AMPD3: variants seen among roughly 807,000 people sequenced by gnomAD.
AMPD3 encodes the protein AMP deaminase 3.
AMPD3 carries 57 observed loss-of-function variants against 82.3 expected under a neutral mutation model. The observed-to-expected ratio is 0.69, with a 90% CI of 0.56 to 0.86. The LOEUF is 0.86. Ranked by LOEUF, AMPD3 falls within the 40% of genes least tolerant of loss-of-function variation. AMPD3 has a pLI of 0.00. For synonymous variants in AMPD3, 381 were observed against 394.7 expected (o/e 0.97, Z 0.41); for missense variants, 870 against 1,003.8 (o/e 0.87, Z 1.80).
At chr11:10,500,454 C>A in intron 11 of AMPD3, 1 of 555,340 alleles carries the variant, frequency 1.8e-6, no homozygotes, top group Non-Finnish European at 2.3e-6. Context: ...CACACACATG[C>A]AAACATGCCC....
intron 6 of AMPD3, 85 bp downstream of exon 6, chr11:10,487,449 C>G (rs1326065022): frequency 1.3e-6 from 2 of 1,593,500 alleles, no homozygotes; most frequent in Non-Finnish European, 1.7e-6. Context: ...TGAGGCTTGT[C>G]CCCTGTGAGA....
chr11:10,502,514 T>A (rs1849607301), intron 12 of AMPD3: 1 of 985,314 alleles, frequency 1.0e-6, no homozygotes, highest in Admixed American at 6.1e-5. Context: ...AGGGCTGGCA[T>A]GCAATGTAGG....
intron 3 of AMPD3, 26 bp downstream of exon 3, chr11:10,478,756 T>C (rs1055781093): frequency 6.2e-7 from 1 of 1,605,976 alleles, no homozygotes; most frequent in African/African-American, 1.3e-5. Flanking sequence ...GAGTGTTGAA[T>C]GTGCCTTGCA....
intron 4 of AMPD3, among the ~76,000 whole-genome samples, chr11:10,483,887 G>A (rs1848988064): frequency 6.6e-6 from 1 of 152,260 alleles, no homozygotes; most frequent in Admixed American, 6.5e-5. Flanking sequence ...CAGCTGGACA[G>A]CTGATCCTGG....
chr11:10,451,655 G>T (rs1847966809), upstream of AMPD3, among the ~76,000 whole-genome samples: 1 of 152,158 alleles, frequency 6.6e-6, no homozygotes, highest in Non-Finnish European at 1.5e-5. Flanking sequence ...GCTAACTAGG[G>T]TATCATTTCC....
chr11:10,454,526 T>G (rs1298302139), upstream of AMPD3, among the ~76,000 whole-genome samples: 1 of 152,208 alleles, frequency 6.6e-6, no homozygotes, highest in Non-Finnish European at 1.5e-5. Flanking sequence ...TTCTCAGGTG[T>G]TGAATTTGCT....
At chr11:10,497,785 G>A (rs1344153828) in intron 10 of AMPD3, 1 of 985,294 alleles carries the variant, frequency 1.0e-6, no homozygotes, top group Non-Finnish European at 1.2e-6. Context: ...GCTTGACCCA[G>A]CGGAAATAGC....
chr11:10,505,875 GACC>G lies in AMPD3; in HGVS notation c.2297_2299del (p.Thr766del). ...TGAAATCAGAAGAGATCACCGCCTT[GACC>G]AACTAGGTCCAGCATTTGACATGCA... On this transcript the variant is annotated inframe_deletion, in exon 15 of 15. Transcript: ENST00000396553. The G allele has an allele frequency of 1.9e-6, 3 of 1,614,138 alleles. No homozygotes were observed. The highest frequency in any genetic ancestry group is 2.5e-6 in the Non-Finnish European group (3 of 1,180,048).
At chr11:10,505,276 G>A (rs962146044) in intron 14 of AMPD3, 9 of 978,172 alleles carry the variant, frequency 9.2e-6, no homozygotes, top group African/African-American at 8.8e-5. Context: ...TGTGCTCGTC[G>A]GATGATGATG....
chr11:10,460,595 G>A (rs1235526424), intron 1 of AMPD3, among the ~76,000 whole-genome samples: 1 of 151,720 alleles, frequency 6.6e-6, no homozygotes, highest in Admixed American at 6.6e-5. Context: ...TTTTAGTAGA[G>A]ACGTGGTTTT....
At position 10,478,590 on chromosome 11, in the gene AMPD3, T is replaced by G; in HGVS notation, c.286T>G (p.Trp96Gly). ...TCTGCAAATGCCGCCACAGCAAGAT[T>G]GGAAGGGCCCCCCGGCAGCCAGTCC... ...LSLQMPPQQD[W>G]KGPPAASPAM... is the part of the protein sequence containing the mutation. The change falls in exon 3 of 15, where the codon TGG becomes GGG. Residue 96 changes from tryptophan to glycine, a missense_variant. Transcript: ENST00000396553. 6.2e-7 allele frequency: 1 copy of G among 1,614,164 alleles called. No individual in the cohort carries two copies. The highest frequency in any genetic ancestry group is 8.5e-7 in the Non-Finnish European group (1 of 1,180,024).
intron 1 of AMPD3, chr11:10,460,746 A>T (rs1350436665): frequency 2.9e-6 from 1 of 340,874 alleles, no homozygotes; most frequent in African/African-American, 2.2e-5. Context: ...GTAATTGCAA[A>T]AAAGGAAAGA....
At chr11:10,467,539 T>G (rs1389997675) in intron 2 of AMPD3, among the ~76,000 whole-genome samples, 1 of 152,156 alleles carries the variant, frequency 6.6e-6, no homozygotes, top group Non-Finnish European at 1.5e-5. Flanking sequence ...AACCTACGTT[T>G]GATGGATGTA....
In AMPD3 at chr11:10,502,314, T is replaced by C. The variant is rs1401077078; in HGVS notation, c.1843-407T>C. On this transcript the variant is annotated intron_variant, in intron 12 of 14. Transcript: ENST00000396553. Reference sequence around the variant, plus strand: ...CATCTCCCAGGAGCTGGAGTGTTTATAGTCTCAACCTGGCTGTTTGCAGTC... The same window carrying C: ...CATCTCCCAGGAGCTGGAGTGTTTACAGTCTCAACCTGGCTGTTTGCAGTC... 10 of 985,460 alleles carry C rather than the reference T, an allele frequency of 1.0e-5. No individual in the cohort carries two copies. The East Asian group carries it at 1.1e-3, about 112-fold the overall frequency. 61.0% of individuals were successfully genotyped at this position (985,460 alleles called of 1,614,324 possible). A position where few individuals can be genotyped will look rare whatever the true frequency, so the allele number is the denominator to read the frequency against.
intron 2 of AMPD3, among the ~76,000 whole-genome samples, chr11:10,468,591 G>A (rs1848490531): frequency 2.0e-5 from 3 of 152,202 alleles, no homozygotes. Context: ...ACACCCCATT[G>A]TGAATATTAG....
intron 13 of AMPD3, chr11:10,504,334 ATG>A: frequency 5.1e-6 from 3 of 586,896 alleles, no homozygotes; most frequent in Non-Finnish European, 6.4e-6. Flanking sequence ...CAATGAATAA[ATG>A]TAGAGGCGTG....
At chr11:10,488,260 G>C in intron 6 of AMPD3, 1 of 985,450 alleles carries the variant, frequency 1.0e-6, no homozygotes, top group Non-Finnish European at 1.2e-6. Context: ...GTGCAGTGAG[G>C]CACAGGGTCA....
rs1249670653 is a variant in AMPD3 at position 10,482,262 on chromosome 11, G to C, written c.589+37G>C. 1.9e-6 allele frequency: 3 copies of C among 1,606,642 alleles called. No homozygotes were observed. In the Admixed American group the frequency reaches 5.0e-5, roughly 27 times the overall value. On this transcript the variant is annotated intron_variant, in intron 4 of 14. Coordinates refer to ENST00000396553, the MANE Select transcript of AMPD3 (RefSeq NM_001025389.2). ...TGGCTGGAGGTTGGGTCCCAAGTGT[G>C]GGCAGACCGAGAGCTAGTCAGGGCT...
chr11:10,486,972 AT>A (rs1210376699), intron 5 of AMPD3: 1 of 985,302 alleles, frequency 1.0e-6, no homozygotes. Flanking sequence ...CCCTAAACAC[AT>A]AAACAAGAAG....
Sources: gnomAD v4.1 joint callset for allele counts (sites outside exome capture counted in the v4.1 genomes callset) on GRCh38, gnomAD v4.1.1 for gene constraint, MANE v1.5 for transcripts, NCBI Gene and HGNC (gene_info 2026-07-23, HGNC 2026-07-21) for gene names.